Variants in ITGA8 observed in about 807,000 individuals in gnomAD.
ITGA8 encodes integrin alpha-8.
In ITGA8, 91 loss-of-function variants were observed where a neutral mutation model predicts 142.3. That is an observed-to-expected ratio of 0.64 (90% confidence interval 0.54 to 0.76). The LOEUF (loss-of-function observed/expected upper bound fraction) is 0.76, where lower values mean the gene tolerates loss of function less well. ITGA8 is among the 30% of genes least tolerant of loss of function. The pLI is 0.00. For synonymous variants in ITGA8, 505 were observed against 485.2 expected, an observed-to-expected ratio of 1.04 and a Z score of -0.54; for missense variants, 1,406 against 1,327.7, an observed-to-expected ratio of 1.06 and a Z score of -0.92.
chr10:15,701,614 G>A (rs910683773), intron 2 of ITGA8, among the ~76,000 whole-genome samples: 4 of 152,202 alleles, frequency 2.6e-5, no homozygotes, highest in Non-Finnish European at 4.4e-5. Context: ...GGAATTACAC[G>A]AAGTGAGGAG....
intron 25 of ITGA8, among the ~76,000 whole-genome samples, chr10:15,561,665 C>T (rs1387913528): frequency 1.3e-5 from 2 of 152,112 alleles, no homozygotes; most frequent in Non-Finnish European, 2.9e-5. Context: ...AATGGAGATA[C>T]TTGATGTACC....
chr10:15,710,609 A>T (rs890030211), intron 2 of ITGA8, among the ~76,000 whole-genome samples: 33 of 152,188 alleles, frequency 2.2e-4, no homozygotes, highest in African/African-American at 8.0e-4. Flanking sequence ...TGTATGCAAG[A>T]GTTGTTTGCT....
chr10:15,553,756 T>C (rs1833835864), intron 26 of ITGA8, among the ~76,000 whole-genome samples: 2 of 152,170 alleles, frequency 1.3e-5, no homozygotes, highest in African/African-American at 4.8e-5. Flanking sequence ...ATCCCAGCAC[T>C]TTGGGAGGCT....
intron 23 of ITGA8, among the ~76,000 whole-genome samples, chr10:15,577,863 C>T (rs776121740): frequency 6.6e-6 from 1 of 152,028 alleles, no homozygotes; most frequent in Non-Finnish European, 1.5e-5. Flanking sequence ...CCCAGTAAGA[C>T]CCTCAGATAA....
intron 13 of ITGA8, among the ~76,000 whole-genome samples, 156 bp downstream of exon 13, chr10:15,643,874 A>G (rs1054573685): frequency 6.6e-6 from 1 of 152,220 alleles, no homozygotes; most frequent in African/African-American, 2.4e-5. Flanking sequence ...GTTCTCATGA[A>G]AGTCGCTCTG....
intron 28 of ITGA8, among the ~76,000 whole-genome samples, chr10:15,522,379 G>C (rs920440416): frequency 1.8e-4 from 28 of 152,290 alleles, no homozygotes; most frequent in African/African-American, 6.3e-4. Flanking sequence ...ACTGCACTCA[G>C]AGGAACAGCA....
At chr10:15,669,031 T>G (rs987397609) in intron 8 of ITGA8, among the ~76,000 whole-genome samples, 1 of 152,150 alleles carries the variant, frequency 6.6e-6, no homozygotes, top group Non-Finnish European at 1.5e-5. Flanking sequence ...ATCTTTGTGG[T>G]GTTCTCTGTA....
intron 25 of ITGA8, among the ~76,000 whole-genome samples, chr10:15,566,348 T>C (rs1368320903): frequency 1.3e-5 from 2 of 152,202 alleles, no homozygotes; most frequent in Admixed American, 6.5e-5. Context: ...GCCACTTTTA[T>C]CTCAGGATTA....
intron 13 of ITGA8, 118 bp downstream of exon 13, chr10:15,643,912 A>G (rs1833915517): frequency 1.2e-6 from 1 of 818,170 alleles, no homozygotes; most frequent in Non-Finnish European, 1.9e-6. Context: ...AGCCTGTGGC[A>G]TGCTTAAGCT....
At chr10:15,587,145 T>A (rs960772451) in intron 22 of ITGA8, among the ~76,000 whole-genome samples, 1 of 152,116 alleles carries the variant, frequency 6.6e-6, no homozygotes, top group African/African-American at 2.4e-5. Flanking sequence ...ATGGTCTCTA[T>A]CTCTTGACCT....
chr10:15,529,597 C>T lies in ITGA8; in HGVS notation c.2982+1453G>A, dbSNP rs148374187. ...GTGTCAGGGTCCCACCCCAGACCTA[C>T]TGAATATTTGGGGAGAAGTCTTAGC... On this transcript the variant is annotated intron_variant, in intron 28 of 29. Coordinates refer to ENST00000378076, the MANE Select transcript of ITGA8 (RefSeq NM_003638.3). Among the ~76,000 whole-genome samples, 8 of 152,276 alleles carry T rather than the reference C, an allele frequency of 5.3e-5. No homozygotes were observed. The East Asian group carries it at 1.5e-3, about 29-fold the overall frequency.
At chr10:15,548,372 C>G in intron 27 of ITGA8, 83 bp downstream of exon 27, 2 of 931,274 alleles carry the variant, frequency 2.1e-6, no homozygotes, top group Non-Finnish European at 3.3e-6. Flanking sequence ...AATTAGAAAT[C>G]GCTATGAAAA....
intron 13 of ITGA8, among the ~76,000 whole-genome samples, chr10:15,621,430 T>C (rs572413530): frequency 6.6e-6 from 1 of 152,324 alleles, no homozygotes; most frequent in Non-Finnish European, 1.5e-5. Flanking sequence ...GCATTACACC[T>C]ATGTTTTGTA....
At position 15,640,782 on chromosome 10, in the gene ITGA8, A is replaced by G. The variant is rs186295890; in HGVS notation, c.1399+3248T>C. Among the ~76,000 whole-genome samples the G allele has an allele frequency of 3.4e-3, 525 of 152,298 alleles. 6 individuals are homozygous for G. The highest frequency in any genetic ancestry group is 0.012 in the African/African-American group (506 of 41,558). ...TGAGTCCTAACAGTGGCTCAGAAGC[A>G]TTTGCTAAAAGGGGACTGAAAGAGG... On this transcript the variant is annotated intron_variant, in intron 13 of 29. Transcript: ENST00000378076.
At chr10:15,612,375 C>T (rs992339610) in intron 15 of ITGA8, among the ~76,000 whole-genome samples, 1 of 152,286 alleles carries the variant, frequency 6.6e-6, no homozygotes, top group Middle Eastern at 3.4e-3. Flanking sequence ...GTGGTTAGTT[C>T]TGCAATTCTG....
chr10:15,613,858 T>C, intron 14 of ITGA8, 91 bp from the exon 15 acceptor site: 1 of 843,580 alleles, frequency 1.2e-6, no homozygotes, highest in South Asian at 1.5e-5. Context: ...AACTCAGTAG[T>C]AGACAGAATA....
At chr10:15,534,185 C>T (rs1257311274) in intron 27 of ITGA8, among the ~76,000 whole-genome samples, 1 of 152,192 alleles carries the variant, frequency 6.6e-6, no homozygotes, top group Non-Finnish European at 1.5e-5. Context: ...GCTGGCATCA[C>T]AGGCGTGTGC....
chr10:15,717,999 T>C (rs1835485173), intron 2 of ITGA8, among the ~76,000 whole-genome samples: 1 of 152,260 alleles, frequency 6.6e-6, no homozygotes, highest in African/African-American at 2.4e-5. Context: ...TGGAAAGAGA[T>C]ATTTGCTTTC....
chr10:15,598,531 G>C (rs1215409261), intron 20 of ITGA8, among the ~76,000 whole-genome samples: 1 of 152,178 alleles, frequency 6.6e-6, no homozygotes, highest in Non-Finnish European at 1.5e-5. Context: ...CACACACTTT[G>C]AGAATATAAG....
Sources: gnomAD v4.1 joint callset for allele counts (sites outside exome capture counted in the v4.1 genomes callset) on GRCh38, gnomAD v4.1.1 for gene constraint, MANE v1.5 for transcripts, NCBI Gene and HGNC (gene_info 2026-07-23, HGNC 2026-07-21) for gene names.